The following ADPRHL1 variants were observed in gnomAD, a reference collection of about 807,000 sequenced individuals.
ADPRHL1 encodes the protein ADP-ribosylhydrolase like 1.
A neutral mutation model predicts 44.1 loss-of-function variants in ADPRHL1; 43 were observed. That is an observed-to-expected ratio of 0.98 (90% confidence interval 0.76 to 1.26). The LOEUF is 1.26. Ranked by LOEUF, ADPRHL1 falls within the 50% of genes most tolerant of loss-of-function variation. The probability of loss-of-function intolerance (pLI) is 0.00; values close to 1 mark genes in which losing one functional copy is unlikely to be tolerated. For missense variants in ADPRHL1, 2,022 were observed against 2,496.9 expected, an observed-to-expected ratio of 0.81 and a Z score of 4.05; for synonymous variants, 878 against 1,017.4, an observed-to-expected ratio of 0.86 and a Z score of 2.61.
At chr13:113,417,032 G>GAA (rs1384051647) in intron 7 of ADPRHL1, among the ~76,000 whole-genome samples, 3 of 152,256 alleles carry the variant, frequency 2.0e-5, no homozygotes, top group Non-Finnish European at 4.4e-5. Flanking sequence ...ACTTAAAAGT[G>GAA]AACCATTAAG....
chr13:113,444,381 C>T (rs1228604489), intron 2 of ADPRHL1, 44 bp downstream of exon 2: 1 of 1,601,324 alleles, frequency 6.2e-7, no homozygotes. Flanking sequence ...CCGCAGGGTC[C>T]CCAGCAGGGT....
chr13:113,447,355 TTG>T (rs1299629897), intron 1 of ADPRHL1, among the ~76,000 whole-genome samples: 2 of 151,022 alleles, frequency 1.3e-5, no homozygotes, highest in East Asian at 4.0e-4. Flanking sequence ...ACTCACGGTG[TTG>T]TGTGTGTATG....
At chr13:113,411,354 C>T (rs972337974) in intron 7 of ADPRHL1, among the ~76,000 whole-genome samples, 8 of 152,066 alleles carry the variant, frequency 5.3e-5, no homozygotes, top group African/African-American at 9.7e-5. Context: ...CGAGGCTGAG[C>T]GTCTGTTCTG....
chr13:113,403,458 A>T lies in ADPRHL1; in HGVS notation c.5824T>A (p.Phe1942Ile). ...RHLAKYKAQS[F>I]RDQRAFDLSF... is the part of the protein sequence containing the mutation. The stretch of plus-strand genomic sequence containing the variant: ...AAATCGAAGGCCCTCTGGTCACGGA[A>T]GCTCTGGGCTTTGTACTTGGCCAGG... The change falls in exon 8 of 8, where the codon TTC becomes ATC. Residue 1942 changes from phenylalanine to isoleucine, a missense_variant. Phe to Ile is a conservative substitution (Grantham distance 21). Coordinates refer to ENST00000612156, the MANE Select transcript of ADPRHL1 (RefSeq NM_001394807.1). 1 of 1,232,060 alleles carries T rather than the reference A, an allele frequency of 8.1e-7. No individual in the cohort carries two copies. The highest frequency in any genetic ancestry group is 1.0e-6 in the Non-Finnish European group (1 of 987,974). 76.3% of individuals were successfully genotyped at this position (1,232,060 alleles called of 1,614,324 possible).
chr13:113,405,687 C>A lies in ADPRHL1; in HGVS notation c.3595G>T (p.Val1199Phe). The A allele has an allele frequency of 8.1e-7, 1 of 1,232,272 alleles. No homozygotes were observed. Among genetic ancestry groups the A allele is most frequent in the Non-Finnish European group, 1.0e-6 (1 of 988,428 alleles). 76.3% of individuals were successfully genotyped at this position (1,232,272 alleles called of 1,614,324 possible). A position where few individuals can be genotyped will look rare whatever the true frequency, so the allele number is the denominator to read the frequency against. Residue 1199 changes from valine to phenylalanine, a missense_variant, in exon 8 of 8, where the codon GTC becomes TTC. Physicochemically the swap from Val to Phe is conservative, Grantham distance 50. Around this residue, in one of 8 missense-constraint regions of ADPRHL1, gnomAD observed 1,221 missense variants for 1,517.8 expected, o/e 0.80. Transcript: ENST00000612156. ...GTCGCAATGTCCTCTGGGTGCTGGA[C>A]GAGGGCCACGCCTCTCAGGAGGCTC... ...GRSLLRGVAL[V>F]QHPEDIATLA...
Position 113,404,414 on chromosome 13 carries a change from T to G in ADPRHL1, c.4868A>C (p.Lys1623Thr), listed in dbSNP as rs1177959675. 15 of 1,322,170 alleles carry G rather than the reference T, an allele frequency of 1.1e-5. No individual in the cohort carries two copies. Among genetic ancestry groups the G allele is most frequent in the African/African-American group, 3.1e-5 (2 of 65,348 alleles). 81.9% of individuals were successfully genotyped at this position (1,322,170 alleles called of 1,614,324 possible). ...CTGTTCCTGAGCCCATTTCTGGGCC[T>G]TTATCTGGGTCTGCCACTGGGCCTG... ...QGQAQWQTQI[K>T]AQKWAQEQTQ... is the part of the protein sequence containing the mutation. The change falls in exon 8 of 8, where the codon AAG (lysine) becomes ACG (threonine). Residue 1623 changes from lysine to threonine, a missense_variant. Lys to Thr is a moderately conservative substitution (Grantham distance 78). Around this residue, in one of 8 missense-constraint regions of ADPRHL1, gnomAD observed 78 missense variants for 76.5 expected, o/e 1.02. Transcript: ENST00000612156.
intron 7 of ADPRHL1, among the ~76,000 whole-genome samples, chr13:113,421,589 C>T (rs957946804): frequency 2.0e-5 from 3 of 152,298 alleles, no homozygotes; most frequent in African/African-American, 7.2e-5. Flanking sequence ...GTTGGCGGGG[C>T]TGGCCCGGGA....
chr13:113,450,122 T>C (rs2044169067), intron 1 of ADPRHL1, among the ~76,000 whole-genome samples: 1 of 152,134 alleles, frequency 6.6e-6, no homozygotes, highest in Non-Finnish European at 1.5e-5. Flanking sequence ...CTTGCTATGT[T>C]TCCTAGGCTG....
In ADPRHL1 at chr13:113,433,830, G is replaced by A. The variant is rs778302083; in HGVS notation, c.417C>T (p.Ile139=). 1.8e-5 allele frequency: 29 copies of A among 1,574,140 alleles called. No individual in the cohort carries two copies. The highest frequency in any genetic ancestry group is 2.2e-5 in the Non-Finnish European group (26 of 1,160,146). The change falls in exon 3 of 8, where the codon ATC becomes ATT. Residue 139 remains isoleucine (I), a synonymous_variant. Coordinates refer to ENST00000612156, the MANE Select transcript of ADPRHL1 (RefSeq NM_001394807.1). ...GFGAATKAMC[I]GLRYWKPERL... ...GCTCAGGCTTCCAGTACCGCAGGCC[G>A]ATGCACATGGCCTTGGTGGCCGCTC...
Position 113,429,369 on chromosome 13 carries a change from T to A in ADPRHL1, c.506-277A>T, listed in dbSNP as rs903373610. Among the ~76,000 whole-genome samples, 3 of 152,318 alleles carry A rather than the reference T, an allele frequency of 2.0e-5. No homozygotes were observed. In the South Asian group the frequency reaches 6.2e-4, roughly 32 times the overall value. ...CCTGGCCGCCCCCAGTTGACTTTTC[T>A]GTCTCCGGATGTGACTGCTCTGGGT... On this transcript the variant is annotated intron_variant, in intron 3 of 7. Coordinates refer to ENST00000612156, the MANE Select transcript of ADPRHL1 (RefSeq NM_001394807.1).
Position 113,404,571 on chromosome 13 carries a change from G to T in ADPRHL1, c.4711C>A (p.Pro1571Thr). 2 of 1,293,166 alleles carry T rather than the reference G, an allele frequency of 1.5e-6. No homozygotes were observed. The highest frequency in any genetic ancestry group is 2.0e-6 in the Non-Finnish European group (2 of 1,024,460). The allele number at this position is 1,293,166 out of a possible 1,614,324, so 80.1% of individuals were successfully genotyped here. ...TGTCCCTGGGCCCCACCCTGAGCTG[G>T]TTCCTGTGCCTGCCCCTGGGCCTCT... ...QIEAQGQAQE[P>T]AQGGAQGQVQ... The change falls in exon 8 of 8, where the codon CCA becomes ACA. Residue 1571 changes from proline (P) to threonine (T), a missense_variant. By Grantham distance (38) the Pro-to-Thr change is conservative. Coordinates refer to ENST00000612156, the MANE Select transcript of ADPRHL1 (RefSeq NM_001394807.1).
In ADPRHL1 at chr13:113,425,078, T is replaced by C. The variant is rs1251457539; in HGVS notation, c.748A>G (p.Asn250Asp). ...TTTTCCCTCTCTTCTGCATCATAAT[T>C]GTCGGGGAAGATGGCTTTATTTTCT... ...DSENKAIFPDNYDAEEREKTY... is the reference protein window; with the variant it reads ...DSENKAIFPDDYDAEEREKTY... The change falls in exon 5 of 8, where the codon AAT becomes GAT. Residue 250 changes from asparagine to aspartate, a missense_variant. Physicochemically the swap from Asn to Asp is conservative, Grantham distance 23. This residue lies in a region of ADPRHL1 where 437 missense variants were observed against 430.7 expected (regional missense o/e 1.01). Transcript: ENST00000612156. 1 of 1,613,564 alleles carries C rather than the reference T, an allele frequency of 6.2e-7. No homozygotes were observed. The highest frequency in any genetic ancestry group is 1.7e-5 in the Admixed American group (1 of 59,970).
At chr13:113,431,486 C>G (rs570615377) in intron 3 of ADPRHL1, among the ~76,000 whole-genome samples, 1 of 152,324 alleles carries the variant, frequency 6.6e-6, no homozygotes, top group Admixed American at 6.5e-5. Flanking sequence ...CCGGTCCTGA[C>G]CCTGCCTACG....
intron 7 of ADPRHL1, among the ~76,000 whole-genome samples, chr13:113,420,963 C>G (rs2043914483): frequency 7.6e-6 from 1 of 132,358 alleles, no homozygotes; most frequent in Non-Finnish European, 1.6e-5. Flanking sequence ...CCCGACACGC[C>G]CTGGGACACG....
intron 4 of ADPRHL1, among the ~76,000 whole-genome samples, chr13:113,426,194 A>G (rs1298741172): frequency 6.6e-6 from 1 of 152,192 alleles, no homozygotes; most frequent in Non-Finnish European, 1.5e-5. Flanking sequence ...CTGCAGCTAC[A>G]CACCCTACAG....
rs554457305 is a variant in ADPRHL1 at position 113,451,123 on chromosome 13, CTT to C, written c.214+2099_214+2100del. Among the ~76,000 whole-genome samples, 491 of 152,336 alleles carry C rather than the reference CTT, an allele frequency of 3.2e-3. 5 individuals are homozygous for C. The highest frequency in any genetic ancestry group is 0.011 in the African/African-American group (446 of 41,578). On this transcript the variant is annotated intron_variant, in intron 1 of 7. Coordinates refer to ENST00000612156, the MANE Select transcript of ADPRHL1 (RefSeq NM_001394807.1). ...CCGGGCATAACAGAAGGCTCGCACT[CTT>C]GTCTTCTGGTCACACCTCACTATGT...
chr13:113,414,488 C>G (rs973250075), intron 7 of ADPRHL1, among the ~76,000 whole-genome samples: 9 of 150,352 alleles, frequency 6.0e-5, no homozygotes, highest in Admixed American at 2.7e-4. Context: ...CTCTACAGCT[C>G]AGTCCCGGCC....
Position 113,435,191 on chromosome 13 carries a change from G to C in ADPRHL1, c.380-1324C>G, listed in dbSNP as rs1344443944. On this transcript the variant is annotated intron_variant, in intron 2 of 7. Transcript: ENST00000612156. Reference sequence around the variant, plus strand: ...GGTGTACCCTGTGACCCAGCACCGAGGCGTAGAGTGAACATAGGTGTACCC... The same window carrying C: ...GGTGTACCCTGTGACCCAGCACCGACGCGTAGAGTGAACATAGGTGTACCC... Among the ~76,000 whole-genome samples, 2 of 22,942 alleles carry C rather than the reference G, an allele frequency of 8.7e-5. 1 individual carries two copies. The highest frequency in any genetic ancestry group is 2.1e-4 in the African/African-American group (2 of 9,484). The allele number at this position is 22,942 out of a possible 152,430, so 15.1% of individuals were successfully genotyped here. A position where few individuals can be genotyped will look rare whatever the true frequency, so the allele number is the denominator to read the frequency against.
intron 7 of ADPRHL1, among the ~76,000 whole-genome samples, chr13:113,416,904 C>T (rs1048707904): frequency 1.3e-5 from 2 of 152,088 alleles, no homozygotes; most frequent in South Asian, 2.1e-4. Flanking sequence ...CTCATATGTG[C>T]GAGGGTGTGC....
Sources: allele counts gnomAD v4.1 joint callset (sites outside exome capture counted in the v4.1 genomes callset), GRCh38; gene constraint gnomAD v4.1.1; regional missense constraint gnomAD v4.1.1; transcripts MANE v1.5; gene names NCBI Gene and HGNC (gene_info 2026-07-23, HGNC 2026-07-21).